The following HDGFL3 variants were observed in gnomAD, a reference collection of about 807,000 sequenced individuals.
HDGFL3 encodes hepatoma-derived growth factor-related protein 3.
A neutral mutation model predicts 27.6 loss-of-function variants in HDGFL3; 6 were observed. The observed-to-expected ratio is 0.22, with a 90% CI of 0.12 to 0.43. The LOEUF (loss-of-function observed/expected upper bound fraction) is 0.43, where lower values mean the gene tolerates loss of function less well. Ranked by LOEUF, HDGFL3 falls within the 20% of genes least tolerant of loss-of-function variation. The pLI, the probability that HDGFL3 is intolerant of heterozygous loss-of-function variation, is 1.00. For missense variants in HDGFL3, 207 were observed against 250.1 expected (o/e 0.83, Z 1.16); for synonymous variants, 88 against 88.9 (o/e 0.99, Z 0.05).
rs369609546 is a variant in HDGFL3 at position 83,164,055 on chromosome 15, G to A, written c.105C>T (p.Gly35=). 32 of 1,607,694 alleles carry A rather than the reference G, an allele frequency of 2.0e-5. No individual in the cohort carries two copies. Among genetic ancestry groups the A allele is most frequent in the African/African-American group, 6.7e-5 (5 of 74,482 alleles). The part of the protein sequence containing the change: ...WPARIDELPE[G]AVKPPANKYP... Reference sequence around the variant, plus strand: ...ACTTGTTTGCTGGAGGCTTCACAGCGCCCTCTGGGAGTTCATCAATCTATG... The same window carrying A: ...ACTTGTTTGCTGGAGGCTTCACAGCACCCTCTGGGAGTTCATCAATCTATG... Residue 35 remains glycine (G), a synonymous_variant, in exon 2 of 6, where the codon GGC becomes GGT. Coordinates refer to ENST00000299633, the MANE Select transcript of HDGFL3 (RefSeq NM_016073.4).
rs929375036 is a variant in HDGFL3 at position 83,128,296 on chromosome 15, G to A, written c.*10974C>T. 6.6e-6 allele frequency: 1 copy of A among 152,120 alleles called. No individual in the cohort carries two copies. Among genetic ancestry groups the A allele is most frequent in the African/African-American group, 2.4e-5 (1 of 41,416 alleles). The allele number at this position is 152,120 out of a possible 1,614,324, so 9.4% of individuals were successfully genotyped here. A position where few individuals can be genotyped will look rare whatever the true frequency, so the allele number is the denominator to read the frequency against. ...AGAATTCACACGGTTGAAAAATATA[G>A]TATTTAAGGGGTCAATGCATTAAAT... On this transcript the variant is annotated 3_prime_UTR_variant, in exon 6 of 6. Coordinates refer to ENST00000299633, the MANE Select transcript of HDGFL3 (RefSeq NM_016073.4).
intron 1 of HDGFL3, among the ~76,000 whole-genome samples, chr15:83,204,310 C>T (rs1298680529): frequency 6.6e-6 from 1 of 151,896 alleles, no homozygotes; most frequent in African/African-American, 2.4e-5. Flanking sequence ...AAGGTAAGTA[C>T]ATTCCATTCC....
chr15:83,198,661 G>A (rs1388439490), intron 1 of HDGFL3, among the ~76,000 whole-genome samples: 2 of 152,172 alleles, frequency 1.3e-5, no homozygotes, highest in Admixed American at 6.5e-5. Context: ...TAAGGGCCAC[G>A]TGCTAACTCA....
chr15:83,121,799 CAATAT>C (rs1026452194), intron 3 of HDGFL3: 4 of 722,652 alleles, frequency 5.5e-6, no homozygotes, highest in Non-Finnish European at 9.3e-6. Flanking sequence ...CCTCTCAATT[CAATAT>C]GTTTTGATTG....
chr15:83,207,271 G>T lies in HDGFL3; in HGVS notation c.84+60C>A. The stretch of plus-strand genomic sequence containing the variant: ...GAGGCGATGGGGAAAGGGGGCGGGC[G>T]CGCCATCATGAAGGGGAAAATGGTG... On this transcript the variant is annotated intron_variant, in intron 1 of 5. Transcript: ENST00000299633. The surrounding 1 kb of genome is among the most constrained non-coding windows in gnomAD (Gnocchi z 4.8). The T allele has an allele frequency of 8.7e-7, 1 of 1,149,452 alleles. No individual in the cohort carries two copies. The highest frequency in any genetic ancestry group is 1.1e-6 in the Non-Finnish European group (1 of 882,608). The allele number at this position is 1,149,452 out of a possible 1,614,324, so 71.2% of individuals were successfully genotyped here.
At chr15:83,159,598 G>A (rs1273007400) in intron 2 of HDGFL3, among the ~76,000 whole-genome samples, 1 of 152,088 alleles carries the variant, frequency 6.6e-6, no homozygotes, top group Non-Finnish European at 1.5e-5. Context: ...AATAGGAGAT[G>A]GATTTTATAA....
At position 83,128,519 on chromosome 15, in the gene HDGFL3, A is replaced by T. The variant is rs907901852; in HGVS notation, c.*10751T>A. ...CCTGATTCCTCAGTCCTTGGGGTTT[A>T]TTTCTGTATTTTAGGTCTTTATCTT... is the stretch of plus-strand genomic sequence containing the variant. On this transcript the variant is annotated 3_prime_UTR_variant, in exon 6 of 6. Coordinates refer to ENST00000299633, the MANE Select transcript of HDGFL3 (RefSeq NM_016073.4). 1 of 152,120 alleles carries T rather than the reference A, an allele frequency of 6.6e-6. No individual in the cohort carries two copies. The highest frequency in any genetic ancestry group is 2.4e-5 in the African/African-American group (1 of 41,498). 9.4% of individuals were successfully genotyped at this position (152,120 alleles called of 1,614,324 possible).
In HDGFL3 at chr15:83,136,389, A is replaced by AATGTGCCTGAATG; in HGVS notation, c.*2880_*2881insCATTCAGGCACAT. The AATGTGCCTGAATG allele has an allele frequency of 3.5e-6, 4 of 1,134,728 alleles. No homozygotes were observed. In the East Asian group the frequency reaches 1.0e-4, roughly 29 times the overall value. 70.3% of individuals were successfully genotyped at this position (1,134,728 alleles called of 1,614,324 possible). A position where few individuals can be genotyped will look rare whatever the true frequency, so the allele number is the denominator to read the frequency against. On this transcript the variant is annotated 3_prime_UTR_variant, in exon 6 of 6. Coordinates refer to ENST00000299633, the MANE Select transcript of HDGFL3 (RefSeq NM_016073.4). Reference sequence around the variant, plus strand: ...GGTGAGACTGGTTTTGAGGGCACAGAAACGTAGCCTGAATGAACCATTCAG... The same window carrying AATGTGCCTGAATG: ...GGTGAGACTGGTTTTGAGGGCACAGAATGTGCCTGAATGAACGTAGCCTGAATGAACCATTCAG...
chr15:83,115,729 T>A (rs1414252590), exon 4 of HDGFL3: 1 of 770,350 alleles, frequency 1.3e-6, no homozygotes, highest in East Asian at 2.6e-5. Flanking sequence ...TCGATAATTG[T>A]CCACAGCATC....
intron 1 of HDGFL3, among the ~76,000 whole-genome samples, chr15:83,182,939 G>C (rs1348725196): frequency 6.6e-6 from 1 of 152,166 alleles, no homozygotes; most frequent in African/African-American, 2.4e-5. Flanking sequence ...GCTAACTATA[G>C]AATGTAGGTC....
intron 4 of HDGFL3, among the ~76,000 whole-genome samples, chr15:83,154,806 T>C (rs1418848998): frequency 6.6e-6 from 1 of 152,186 alleles, no homozygotes; most frequent in Non-Finnish European, 1.5e-5. Flanking sequence ...TTCTAAAACA[T>C]GTAACAGTTT....
rs917837315 is a variant in HDGFL3, at chr15:83,151,284, G to T, written c.537C>A (p.Ser179Arg). 1 of 1,613,208 alleles carries T rather than the reference G, an allele frequency of 6.2e-7. No homozygotes were observed. The highest frequency in any genetic ancestry group is 8.5e-7 in the Non-Finnish European group (1 of 1,179,696). The stretch of plus-strand genomic sequence containing the variant: ...CGTTGCCCGCATCTCCACCCTCAGA[G>T]CTGCTTTTGTTTTCCTCTTCTTTGC... ...KDCKEEENKS[S>R]SEGGDAGNDT... Residue 179 changes from serine (S) to arginine (R), a missense_variant, in exon 5 of 6, where the codon AGC (serine) becomes AGA (arginine). Physicochemically the swap from Ser to Arg is moderately radical, Grantham distance 110. Transcript: ENST00000299633.
chr15:83,164,169 T>A (rs2037134601), intron 1 of HDGFL3, 94 bp from the exon 2 acceptor site: 1 of 818,042 alleles, frequency 1.2e-6, no homozygotes, highest in Non-Finnish European at 1.9e-6. Context: ...CAAAATAAAA[T>A]CAATCAAAAC....
intron 1 of HDGFL3, among the ~76,000 whole-genome samples, chr15:83,184,456 ATTC>A (rs1318902172): frequency 6.6e-6 from 1 of 152,192 alleles, no homozygotes; most frequent in African/African-American, 2.4e-5. Flanking sequence ...CAGACACCTC[ATTC>A]TTAATTCTAT....
At chr15:83,176,944 GTC>G (rs2037319671) in intron 1 of HDGFL3, among the ~76,000 whole-genome samples, 2 of 62,554 alleles carry the variant, frequency 3.2e-5, no homozygotes, top group Non-Finnish European at 3.0e-5. Flanking sequence ...AAACCCCAGA[GTC>G]TTGCTCTGTC....
At chr15:83,179,699 T>C in intron 1 of HDGFL3, 1 of 152,240 alleles carries the variant, frequency 6.6e-6, no homozygotes, top group South Asian at 2.1e-4. Context: ...TCCCTATTAT[T>C]TTCTATTCCC....
In HDGFL3 at chr15:83,204,139, A is replaced by C. The variant is rs547321483; in HGVS notation, c.84+3192T>G. 2.6e-5 allele frequency among the ~76,000 whole-genome samples: 4 copies of C among 151,394 alleles called. No homozygotes were observed. The South Asian group carries it at 6.3e-4, about 24-fold the overall frequency. ...GAGGCATGAGAGTACTTTCGTAGGCACTGTTCTATACCTTGGTAGGTATTA... is the reference window on the plus strand; with the variant it reads ...GAGGCATGAGAGTACTTTCGTAGGCCCTGTTCTATACCTTGGTAGGTATTA... On this transcript the variant is annotated intron_variant, in intron 1 of 5. Coordinates refer to ENST00000299633, the MANE Select transcript of HDGFL3 (RefSeq NM_016073.4).
At chr15:83,153,835 T>C (rs1023162061) in intron 4 of HDGFL3, among the ~76,000 whole-genome samples, 3 of 152,180 alleles carry the variant, frequency 2.0e-5, no homozygotes, top group African/African-American at 7.2e-5. Flanking sequence ...ATAATCTCCC[T>C]CAAATCTACT....
intron 1 of HDGFL3, among the ~76,000 whole-genome samples, chr15:83,184,089 A>C (rs2037412901): frequency 6.6e-6 from 1 of 152,374 alleles, no homozygotes; most frequent in Non-Finnish European, 1.5e-5. Flanking sequence ...AATCCAGTTC[A>C]TAACAGTTGT....
Sources: allele counts gnomAD v4.1 joint callset (sites outside exome capture counted in the v4.1 genomes callset), GRCh38; gene constraint gnomAD v4.1.1; non-coding constraint Gnocchi (gnomAD v3.1); transcripts MANE v1.5; gene names NCBI Gene and HGNC (gene_info 2026-07-23, HGNC 2026-07-21).